KCNIP4: variants seen among roughly 807,000 people sequenced by gnomAD.
KCNIP4 encodes Kv channel-interacting protein 4.
Under a neutral mutation model 34.0 loss-of-function variants are expected in KCNIP4, and 12 were observed. The ratio of observed to expected loss-of-function variants is 0.35; its 90% CI spans 0.23 to 0.57. The LOEUF is 0.57. KCNIP4 is among the 20% of genes least tolerant of loss of function. The pLI is 0.83. For synonymous variants in KCNIP4, 124 were observed against 102.2 expected, an observed-to-expected ratio of 1.21 and a Z score of -1.29; for missense variants, 238 against 311.7, an observed-to-expected ratio of 0.76 and a Z score of 1.78.
chr4:21,244,419 A>G (rs891770560), intron 1 of KCNIP4, among the ~76,000 whole-genome samples: 1 of 152,234 alleles, frequency 6.6e-6, no homozygotes, highest in Non-Finnish European at 1.5e-5. Context: ...GTTGCATTTC[A>G]GATAGACAAA....
chr4:20,809,839 G>A (rs1211658779), intron 3 of KCNIP4, among the ~76,000 whole-genome samples: 1 of 151,960 alleles, frequency 6.6e-6, no homozygotes. Flanking sequence ...GCCCTTATAT[G>A]AACTGCTTGT....
intron 3 of KCNIP4, among the ~76,000 whole-genome samples, chr4:20,819,045 C>T (rs762817618): frequency 6.7e-6 from 1 of 149,122 alleles, no homozygotes; most frequent in Non-Finnish European, 1.5e-5. Context: ...CCACCACATA[C>T]AGCTAATTTT....
At chr4:20,901,068 C>T (rs556956986) in intron 1 of KCNIP4, among the ~76,000 whole-genome samples, 3 of 152,248 alleles carry the variant, frequency 2.0e-5, no homozygotes, top group East Asian at 3.9e-4. Context: ...TCTATGTAGG[C>T]TTTGAGACAT....
intron 1 of KCNIP4, among the ~76,000 whole-genome samples, chr4:20,950,041 AAAAGG>A (rs1485072874): frequency 2.0e-5 from 3 of 151,332 alleles, no homozygotes; most frequent in Non-Finnish European, 2.9e-5. Flanking sequence ...AAAGAAAATG[AAAAGG>A]AAAGGAAATC....
At chr4:20,977,483 G>T (rs554040013) in intron 1 of KCNIP4, among the ~76,000 whole-genome samples, 1 of 152,118 alleles carries the variant, frequency 6.6e-6, no homozygotes, top group South Asian at 2.1e-4. Flanking sequence ...ATGATATTTG[G>T]CTGGAGGGCA....
chr4:21,026,089 A>T (rs373317154), intron 1 of KCNIP4, among the ~76,000 whole-genome samples: 38 of 152,310 alleles, frequency 2.5e-4, no homozygotes, highest in African/African-American at 8.2e-4. Context: ...TTGCTGTGAT[A>T]ACCCATAATG....
intron 4 of KCNIP4, among the ~76,000 whole-genome samples, chr4:20,754,347 G>A (rs1413771764): frequency 6.6e-6 from 1 of 152,168 alleles, no homozygotes; most frequent in East Asian, 1.9e-4. Flanking sequence ...GGAGGAAATG[G>A]TGAGATGTTG....
intron 1 of KCNIP4, among the ~76,000 whole-genome samples, chr4:21,606,588 G>T (rs1460471272): frequency 5.9e-5 from 9 of 151,902 alleles, no homozygotes; most frequent in African/African-American, 1.9e-4. Context: ...TTGTTTGTTT[G>T]TTTGTTGTTT....
intron 1 of KCNIP4, among the ~76,000 whole-genome samples, chr4:21,516,625 T>G (rs1465063258): frequency 6.6e-6 from 1 of 152,198 alleles, no homozygotes; most frequent in Non-Finnish European, 1.5e-5. Flanking sequence ...TACTCAGGTC[T>G]CCCTCAGCAC....
At chr4:21,092,075 T>G (rs1474799046) in intron 1 of KCNIP4, among the ~76,000 whole-genome samples, 1 of 152,172 alleles carries the variant, frequency 6.6e-6, no homozygotes, top group East Asian at 1.9e-4. Context: ...ACTTCTGCAA[T>G]GTCTACTATC....
At chr4:21,099,918 C>T (rs758749500) in intron 1 of KCNIP4, among the ~76,000 whole-genome samples, 2 of 152,014 alleles carry the variant, frequency 1.3e-5, no homozygotes, top group Admixed American at 6.6e-5. Flanking sequence ...AATTAGAAGT[C>T]GAGCCTGAAT....
chr4:21,317,737 G>A (rs1324631116), intron 1 of KCNIP4, among the ~76,000 whole-genome samples: 1 of 152,132 alleles, frequency 6.6e-6, no homozygotes, highest in Non-Finnish European at 1.5e-5. Flanking sequence ...GTTGTGGGAG[G>A]GACCCGGTGG....
chr4:21,611,201 C>G (rs1420739498), intron 1 of KCNIP4, among the ~76,000 whole-genome samples: 3 of 152,130 alleles, frequency 2.0e-5, no homozygotes, highest in Non-Finnish European at 4.4e-5. Context: ...GTCACATTTT[C>G]TTTATCCAGT....
At chr4:21,696,592 G>T (rs1712340729) in intron 1 of KCNIP4, among the ~76,000 whole-genome samples, 1 of 152,088 alleles carries the variant, frequency 6.6e-6, no homozygotes. Flanking sequence ...TATTATCAGT[G>T]TCAAGTATTT....
chr4:21,867,884 G>A (rs1321141493), intron 1 of KCNIP4, among the ~76,000 whole-genome samples: 2 of 152,108 alleles, frequency 1.3e-5, no homozygotes, highest in Non-Finnish European at 2.9e-5. Context: ...TACAGAGATG[G>A]TCTTTTTTAA....
intron 1 of KCNIP4, among the ~76,000 whole-genome samples, chr4:21,241,238 CA>C (rs1424325321): frequency 6.6e-6 from 1 of 152,086 alleles, no homozygotes; most frequent in East Asian, 1.9e-4. Context: ...GATATATAAT[CA>C]AAAATTAATA....
intron 1 of KCNIP4, among the ~76,000 whole-genome samples, chr4:21,484,258 C>G (rs1731713348): frequency 6.6e-6 from 1 of 151,874 alleles, no homozygotes; most frequent in Non-Finnish European, 1.5e-5. Flanking sequence ...GAAACCCCAC[C>G]TCTAGTACAA....
At chr4:21,048,942 A>ATTTTT (rs1742671680) in intron 1 of KCNIP4, among the ~76,000 whole-genome samples, 1 of 130,742 alleles carries the variant, frequency 7.6e-6, no homozygotes, top group African/African-American at 3.0e-5. Context: ...CCTTCTGTTT[A>ATTTTT]TCTTTTTTTT....
At chr4:20,946,232 A>G (rs1358952609) in intron 1 of KCNIP4, among the ~76,000 whole-genome samples, 1 of 152,198 alleles carries the variant, frequency 6.6e-6, no homozygotes, top group African/African-American at 2.4e-5. Context: ...GCTACTGCAC[A>G]GGTTCTGCCT....
Sources: gnomAD v4.1 joint callset for allele counts (sites outside exome capture counted in the v4.1 genomes callset) on GRCh38, gnomAD v4.1.1 for gene constraint, MANE v1.5 for transcripts, NCBI Gene and HGNC (gene_info 2026-07-23, HGNC 2026-07-21) for gene names.